The following KCNH8 variants were observed in gnomAD, a reference collection of about 807,000 sequenced individuals.
KCNH8 encodes potassium voltage-gated channel subfamily H member 8.
In KCNH8, 70 loss-of-function variants were observed where a neutral mutation model predicts 103.6. The ratio of observed to expected loss-of-function variants is 0.68; its 90% CI spans 0.56 to 0.82. The LOEUF is 0.82. KCNH8 is among the 40% of genes least tolerant of loss of function. The pLI is 0.00. For missense variants in KCNH8, 1,217 were observed against 1,329.9 expected (o/e 0.92, Z 1.32); for synonymous variants, 498 against 489.4 (o/e 1.02, Z -0.23).
In KCNH8 at chr3:19,204,226, C is replaced by T. The variant is rs1227989305; in HGVS notation, c.77-49428C>T. On this transcript the variant is annotated intron_variant, in intron 1 of 15. Transcript: ENST00000328405. ...GCTACTACTTTCTGTCTCTGTCTTTCCTCTGTCATAAGCATGTGTGATCTT... is the reference window on the plus strand; with the variant it reads ...GCTACTACTTTCTGTCTCTGTCTTTTCTCTGTCATAAGCATGTGTGATCTT... 4.6e-5 allele frequency among the ~76,000 whole-genome samples: 7 copies of T among 152,144 alleles called. No homozygotes were observed. The South Asian group carries it at 6.2e-4, about 14-fold the overall frequency.
chr3:19,503,076 T>G (rs1415276531), intron 11 of KCNH8, among the ~76,000 whole-genome samples: 3,214 of 96,006 alleles, frequency 0.033, no homozygotes, highest in African/African-American at 0.062. Flanking sequence ...CAAACAAATT[T>G]ACAAGAAAAA....
intron 1 of KCNH8, among the ~76,000 whole-genome samples, chr3:19,161,885 G>A (rs1470825679): frequency 6.6e-6 from 1 of 151,950 alleles, no homozygotes; most frequent in Admixed American, 6.6e-5. Context: ...GGTGAATTAG[G>A]TACAGTAATT....
chr3:19,340,857 A>G (rs920678287), intron 3 of KCNH8, among the ~76,000 whole-genome samples: 1 of 152,146 alleles, frequency 6.6e-6, no homozygotes, highest in African/African-American at 2.4e-5. Context: ...GGAGGAAATA[A>G]TTCAGCCAAG....
chr3:19,356,903 C>T (rs770747101), intron 5 of KCNH8, among the ~76,000 whole-genome samples: 7 of 151,402 alleles, frequency 4.6e-5, no homozygotes, highest in Non-Finnish European at 8.8e-5. Context: ...CTTTCTTCCA[C>T]GAATATGGAA....
intron 11 of KCNH8, among the ~76,000 whole-genome samples, chr3:19,492,864 TGTGTG>T: frequency 6.8e-6 from 1 of 146,022 alleles, no homozygotes; most frequent in African/African-American, 2.5e-5. Flanking sequence ...TGTGTGTGTG[TGTGTG>T]TGTGTGTGTG....
At position 19,315,633 on chromosome 3, in the gene KCNH8, G is replaced by A. The variant is rs190349595; in HGVS notation, c.443-26954G>A. 1.3e-4 allele frequency among the ~76,000 whole-genome samples: 19 copies of A among 151,966 alleles called. No homozygotes were observed. The East Asian group carries it at 3.5e-3, about 28-fold the overall frequency. On this transcript the variant is annotated intron_variant, in intron 3 of 15. Coordinates refer to ENST00000328405, the MANE Select transcript of KCNH8 (RefSeq NM_144633.3). ...ATGTGTTAATAGTCTATTAGTAGTTGGCTACTATGTTGGCCCATCTGGAAT... is the reference window on the plus strand; with the variant it reads ...ATGTGTTAATAGTCTATTAGTAGTTAGCTACTATGTTGGCCCATCTGGAAT...
At position 19,495,352 on chromosome 3, in the gene KCNH8, C is replaced by A. The variant is rs551436760; in HGVS notation, c.2041-15011C>A. 4.6e-5 allele frequency among the ~76,000 whole-genome samples: 7 copies of A among 152,182 alleles called. No individual in the cohort carries two copies. The East Asian group carries it at 1.4e-3, about 29-fold the overall frequency. On this transcript the variant is annotated intron_variant, in intron 11 of 15. Coordinates refer to ENST00000328405, the MANE Select transcript of KCNH8 (RefSeq NM_144633.3). ...GGGTTTCACATTTAAGTCTTGAATTCATCTTGAGTTAACTTTTGTTTATGG... is the reference window on the plus strand; with the variant it reads ...GGGTTTCACATTTAAGTCTTGAATTAATCTTGAGTTAACTTTTGTTTATGG...
At chr3:19,510,320 C>A in intron 11 of KCNH8, 43 bp from the exon 12 acceptor site, 1 of 1,251,766 alleles carries the variant, frequency 8.0e-7, no homozygotes, top group South Asian at 1.2e-5. Context: ...TCCCAAACCA[C>A]CAGGATATGT....
chr3:19,440,114 G>C (rs1054408951), intron 8 of KCNH8, among the ~76,000 whole-genome samples: 4 of 152,158 alleles, frequency 2.6e-5, no homozygotes, highest in Admixed American at 1.3e-4. Flanking sequence ...TATGTATATT[G>C]CTTGTTAATA....
At chr3:19,184,749 T>A (rs955038421) in intron 1 of KCNH8, among the ~76,000 whole-genome samples, 9 of 151,918 alleles carry the variant, frequency 5.9e-5, no homozygotes, top group African/African-American at 2.2e-4. Context: ...CACTAGATTA[T>A]TGCAGAACAA....
chr3:19,159,329 TATA>T lies in KCNH8; in HGVS notation c.76+10538_76+10540del, dbSNP rs530650571. On this transcript the variant is annotated intron_variant, in intron 1 of 15. Transcript: ENST00000328405. ...ATGTAAAAATATATATACACACAAA[TATA>T]ATATAGTGTATATATAGTATGGTAT... is the stretch of plus-strand genomic sequence containing the variant. 2.0e-5 allele frequency among the ~76,000 whole-genome samples: 3 copies of T among 151,796 alleles called. No homozygotes were observed. In the South Asian group the frequency reaches 6.2e-4, roughly 31 times the overall value.
intron 13 of KCNH8, among the ~76,000 whole-genome samples, chr3:19,514,132 A>C (rs2068834204): frequency 6.6e-6 from 1 of 152,124 alleles, no homozygotes; most frequent in African/African-American, 2.4e-5. Flanking sequence ...TGAAACTCGA[A>C]GGGTAAATAT....
chr3:19,280,126 A>G (rs1430883497), intron 2 of KCNH8, among the ~76,000 whole-genome samples: 2 of 152,114 alleles, frequency 1.3e-5, no homozygotes, highest in South Asian at 2.1e-4. Flanking sequence ...ATTTTTTTAC[A>G]TATTTCTAAA....
At chr3:19,371,854 T>C (rs2125116797) in intron 5 of KCNH8, among the ~76,000 whole-genome samples, 1 of 150,994 alleles carries the variant, frequency 6.6e-6, no homozygotes, top group African/African-American at 2.4e-5. Flanking sequence ...CCCAGCACCA[T>C]TTATTAAATA....
intron 1 of KCNH8, among the ~76,000 whole-genome samples, chr3:19,153,650 T>C (rs1024801969): frequency 6.7e-6 from 1 of 150,062 alleles, no homozygotes; most frequent in African/African-American, 2.5e-5. Context: ...TTTTTTTTTT[T>C]TTAGACGAGT....
chr3:19,520,562 A>C, intron 15 of KCNH8, among the ~76,000 whole-genome samples: 1 of 151,988 alleles, frequency 6.6e-6, no homozygotes, highest in East Asian at 1.9e-4. Context: ...TATAGAAAAA[A>C]AACTTTTTAA....
intron 15 of KCNH8, among the ~76,000 whole-genome samples, chr3:19,527,630 A>T (rs2069087996): frequency 6.6e-6 from 1 of 152,126 alleles, no homozygotes; most frequent in Non-Finnish European, 1.5e-5. Context: ...AACCAACAGA[A>T]GTTCTGAGGA....
chr3:19,434,388 T>A (rs1457437745), intron 7 of KCNH8, among the ~76,000 whole-genome samples: 2 of 152,182 alleles, frequency 1.3e-5, no homozygotes, highest in African/African-American at 4.8e-5. Flanking sequence ...CCCACCCTCA[T>A]CTCCCTTACA....
Position 19,223,621 on chromosome 3 carries a change from T to A in KCNH8, c.77-30033T>A, listed in dbSNP as rs189257878. The stretch of plus-strand genomic sequence containing the variant: ...TGGATTCCACTGTGCTTTCTAGGTT[T>A]ACTGCTAATGGTGAAGGTTTCTCTC... On this transcript the variant is annotated intron_variant, in intron 1 of 15. Coordinates refer to ENST00000328405, the MANE Select transcript of KCNH8 (RefSeq NM_144633.3). Among the ~76,000 whole-genome samples, 127 of 152,310 alleles carry A rather than the reference T, an allele frequency of 8.3e-4. 2 individuals are homozygous for A. The East Asian group carries it at 0.022, about 27-fold the overall frequency.
Sources: gnomAD v4.1 joint callset for allele counts (sites outside exome capture counted in the v4.1 genomes callset) on GRCh38, gnomAD v4.1.1 for gene constraint, MANE v1.5 for transcripts, NCBI Gene and HGNC (gene_info 2026-07-23, HGNC 2026-07-21) for gene names.